Variants in SMIM21 observed in about 807,000 individuals in gnomAD.
SMIM21 encodes the protein small integral membrane protein 21.
Under a neutral mutation model 8.6 loss-of-function variants are expected in SMIM21, and 8 were observed. The observed-to-expected ratio is 0.93, with a 90% CI of 0.55 to 1.68. The LOEUF is 1.68. Ranked by LOEUF, SMIM21 falls within the 40% of genes most tolerant of loss-of-function variation. The pLI is 0.00. For missense variants in SMIM21, 132 were observed against 123.0 expected, an observed-to-expected ratio of 1.07 and a Z score of -0.35; for synonymous variants, 43 against 41.7, an observed-to-expected ratio of 1.03 and a Z score of -0.12.
intron 2 of SMIM21, chr18:75,417,138 A>G (rs891891030): frequency 1.3e-5 from 2 of 152,194 alleles, no homozygotes; most frequent in Non-Finnish European, 2.9e-5. Context: ...TTGCATGCGG[A>G]CAGCATCCTC....
rs183772571 is a variant in SMIM21, at chr18:75,420,765, G to A, written c.130-1849C>T. Among the ~76,000 whole-genome samples, 32 of 152,304 alleles carry A rather than the reference G, an allele frequency of 2.1e-4. No homozygotes were observed. In the East Asian group the frequency reaches 3.5e-3, roughly 17 times the overall value. On this transcript the variant is annotated intron_variant, in intron 1 of 2. Coordinates refer to ENST00000579022, the MANE Select transcript of SMIM21 (RefSeq NM_001037331.3). ...CTGGGCATTAACACAATAAAACCAA[G>A]TTGGAGATGATGGAGCAGAAAGAAA...
chr18:75,423,091 A>G (rs577161377), intron 1 of SMIM21, among the ~76,000 whole-genome samples: 1 of 152,352 alleles, frequency 6.6e-6, no homozygotes, highest in African/African-American at 2.4e-5. Flanking sequence ...AGTTATGAAA[A>G]TTAAAATTCT....
chr18:75,424,021 A>C (rs1379521058), intron 1 of SMIM21, among the ~76,000 whole-genome samples: 1 of 144,266 alleles, frequency 6.9e-6, no homozygotes, highest in Non-Finnish European at 1.6e-5. Flanking sequence ...TGTTCGTTGC[A>C]ATGCATTGCT....
intron 2 of SMIM21, chr18:75,417,136 G>A (rs544445503): frequency 2.6e-5 from 4 of 152,254 alleles, no homozygotes; most frequent in South Asian, 2.1e-4. Flanking sequence ...ATTTGCATGC[G>A]GACAGCATCC....
chr18:75,422,593 T>A (rs11662154), intron 1 of SMIM21, among the ~76,000 whole-genome samples: 107,709 of 152,118 alleles, frequency 0.71, 38,507 homozygotes, highest in East Asian at 0.99. Context: ...ATGGATATAC[T>A]AAATTTGATA....
intron 1 of SMIM21, chr18:75,419,128 CTT>C: frequency 2.7e-6 from 1 of 376,040 alleles, no homozygotes; most frequent in Non-Finnish European, 4.8e-6. Context: ...TAAAACAACT[CTT>C]GAGATCTGCC....
chr18:75,419,890 T>C (rs1427014350), intron 1 of SMIM21, among the ~76,000 whole-genome samples: 4 of 152,176 alleles, frequency 2.6e-5, no homozygotes, highest in Non-Finnish European at 4.4e-5. Context: ...CAATGCCTCT[T>C]TCGTGTTATG....
chr18:75,423,565 A>G (rs902503604), intron 1 of SMIM21, among the ~76,000 whole-genome samples: 1 of 152,236 alleles, frequency 6.6e-6, no homozygotes, highest in Non-Finnish European at 1.5e-5. Flanking sequence ...CCCATGTAGC[A>G]CAAAGAGATT....
At chr18:75,414,098 T>TACACAC (rs797004830) in intron 2 of SMIM21, among the ~76,000 whole-genome samples, 4 of 51,274 alleles carry the variant, frequency 7.8e-5, no homozygotes, top group African/African-American at 3.3e-4. Context: ...CACACACACA[T>TACACAC]ACACACACAC....
At chr18:75,413,213 T>A (rs1568150907) in intron 2 of SMIM21, among the ~76,000 whole-genome samples, 1 of 152,166 alleles carries the variant, frequency 6.6e-6, no homozygotes, top group Non-Finnish European at 1.5e-5. Flanking sequence ...AGATTCTTTC[T>A]TTACTCCCCA....
rs2024566873 is a variant in SMIM21 at position 75,410,101 on chromosome 18, C to A, written c.*763G>T. 6.6e-6 allele frequency: 1 copy of A among 152,632 alleles called. No individual in the cohort carries two copies. Among genetic ancestry groups the A allele is most frequent in the Admixed American group, 6.5e-5 (1 of 15,276 alleles). The allele number at this position is 152,632 out of a possible 1,614,324, so 9.5% of individuals were successfully genotyped here. ...AGCACCTTAAGTTGCTCAATTTGATCTCTGCACTCAGGAACAAGGTAATTA... is the reference window on the plus strand; with the variant it reads ...AGCACCTTAAGTTGCTCAATTTGATATCTGCACTCAGGAACAAGGTAATTA... On this transcript the variant is annotated 3_prime_UTR_variant, in exon 3 of 3. Transcript: ENST00000579022.
At chr18:75,416,187 C>T (rs2024642347) in intron 2 of SMIM21, 2 of 152,184 alleles carry the variant, frequency 1.3e-5, no homozygotes, top group African/African-American at 4.8e-5. Context: ...TTTTCACAGC[C>T]TCGACAGCAA....
intron 1 of SMIM21, among the ~76,000 whole-genome samples, chr18:75,426,957 T>C (rs2024771050): frequency 6.6e-6 from 1 of 152,208 alleles, no homozygotes; most frequent in Admixed American, 6.5e-5. Flanking sequence ...TACTGGTTCA[T>C]GAATGGTTAA....
At chr18:75,416,393 G>T (rs1218440858) in intron 2 of SMIM21, 1 of 152,162 alleles carries the variant, frequency 6.6e-6, no homozygotes, top group Non-Finnish European at 1.5e-5. Context: ...CTTCCAATGA[G>T]TTGGATTTCT....
intron 1 of SMIM21, among the ~76,000 whole-genome samples, chr18:75,427,014 T>G (rs868015131): frequency 1.3e-4 from 20 of 152,196 alleles, no homozygotes; most frequent in Admixed American, 3.3e-4. Flanking sequence ...GAAAAGAAAC[T>G]TTCTTCTAGG....
At chr18:75,422,065 T>C (rs563605196) in intron 1 of SMIM21, among the ~76,000 whole-genome samples, 2 of 152,268 alleles carry the variant, frequency 1.3e-5, no homozygotes, top group South Asian at 2.1e-4. Context: ...TTCGGACTCC[T>C]TGGGGAACCG....
At chr18:75,425,212 C>T (rs949733272) in intron 1 of SMIM21, among the ~76,000 whole-genome samples, 43 of 152,178 alleles carry the variant, frequency 2.8e-4, no homozygotes, top group African/African-American at 1.0e-3. Context: ...TTATCCACAG[C>T]CTCCATCCAG....
chr18:75,418,542 A>C (rs1001000595), intron 2 of SMIM21, among the ~76,000 whole-genome samples: 3 of 152,172 alleles, frequency 2.0e-5, no homozygotes, highest in African/African-American at 7.2e-5. Context: ...TGCAGTATAC[A>C]TGGCTCACTC....
In SMIM21 at chr18:75,410,447, G is replaced by C. The variant is rs1355798130; in HGVS notation, c.*417C>G. 1 of 174,888 alleles carries C rather than the reference G, an allele frequency of 5.7e-6. No individual in the cohort carries two copies. Among genetic ancestry groups the C allele is most frequent in the African/African-American group, 2.4e-5 (1 of 42,188 alleles). The allele number at this position is 174,888 out of a possible 1,614,324, so 10.8% of individuals were successfully genotyped here. A position where few individuals can be genotyped will look rare whatever the true frequency, so the allele number is the denominator to read the frequency against. ...GAACATCACAGAAATATCTCAAACTGTGTTGCTGTATACCACACAGAGCCT... is the reference window on the plus strand; with the variant it reads ...GAACATCACAGAAATATCTCAAACTCTGTTGCTGTATACCACACAGAGCCT... On this transcript the variant is annotated 3_prime_UTR_variant, in exon 3 of 3. Coordinates refer to ENST00000579022, the MANE Select transcript of SMIM21 (RefSeq NM_001037331.3).
Sources: allele counts gnomAD v4.1 joint callset (sites outside exome capture counted in the v4.1 genomes callset), GRCh38; gene constraint gnomAD v4.1.1; transcripts MANE v1.5; gene names NCBI Gene and HGNC (gene_info 2026-07-23, HGNC 2026-07-21).